PPP1R12C: variants seen among roughly 807,000 people sequenced by gnomAD.
The protein encoded by PPP1R12C is leukocyte receptor cluster (LRC) encoded novel gene 3.
A neutral mutation model predicts 95.6 loss-of-function variants in PPP1R12C; 48 were observed. That is an observed-to-expected ratio of 0.50 (90% confidence interval 0.40 to 0.64). PPP1R12C has a LOEUF of 0.64. Ranked by LOEUF, PPP1R12C falls within the 30% of genes least tolerant of loss-of-function variation. PPP1R12C has a pLI of 0.00. For synonymous variants in PPP1R12C, 480 were observed against 460.8 expected, an observed-to-expected ratio of 1.04 and a Z score of -0.53; for missense variants, 1,057 against 1,083.3, an observed-to-expected ratio of 0.98 and a Z score of 0.34.
chr19:55,116,086 A>G (rs1449870246), intron 1 of PPP1R12C, among the ~76,000 whole-genome samples: 1 of 152,194 alleles, frequency 6.6e-6, no homozygotes, highest in East Asian at 1.9e-4. Context: ...AGGCAAAGAA[A>G]GCAAGAGGAT....
intron 3 of PPP1R12C, among the ~76,000 whole-genome samples, chr19:55,106,848 G>A (rs1017464660): frequency 1.7e-4 from 26 of 152,184 alleles, no homozygotes; most frequent in African/African-American, 6.0e-4. Context: ...TGTCACCTTT[G>A]CAACAGTGAT....
chr19:55,104,180 GTA>G lies in PPP1R12C; in HGVS notation c.572-614_572-613del, dbSNP rs756594022. On this transcript the variant is annotated intron_variant, in intron 3 of 21. Coordinates refer to ENST00000263433, the MANE Select transcript of PPP1R12C (RefSeq NM_017607.4). The stretch of plus-strand genomic sequence containing the variant: ...TCTGTCTAAAAAAAAAAAAAAAAAA[GTA>G]TATATATATATATATATACACACAC... Among the ~76,000 whole-genome samples the G allele has an allele frequency of 2.3e-3, 164 of 72,810 alleles. 2 individuals carry two copies. The highest frequency in any genetic ancestry group is 6.6e-3 in the African/African-American group (144 of 21,848). The allele number at this position is 72,810 out of a possible 152,430, so 47.8% of individuals were successfully genotyped here.
In PPP1R12C at chr19:55,091,445, A is replaced by G; in HGVS notation, c.*27T>C. 6.3e-7 allele frequency: 1 copy of G among 1,598,336 alleles called. No individual in the cohort carries two copies. The highest frequency in any genetic ancestry group is 1.1e-5 in the South Asian group (1 of 90,504). On this transcript the variant is annotated 3_prime_UTR_variant, in exon 22 of 22. Transcript: ENST00000263433. ...GCGTGTGGCAGAAGCAGCTGTATAA[A>G]TACGGGTGCGGGAAAGTCCCTCCGG...
intron 3 of PPP1R12C, among the ~76,000 whole-genome samples, chr19:55,104,060 G>T (rs1249579951): frequency 2.0e-5 from 3 of 148,532 alleles, no homozygotes; most frequent in Admixed American, 6.7e-5. Context: ...CTACTTGGGA[G>T]GCTGAGGCAG....
intron 3 of PPP1R12C, among the ~76,000 whole-genome samples, chr19:55,104,377 A>C (rs2085015155): frequency 6.6e-6 from 1 of 151,268 alleles, no homozygotes. Flanking sequence ...AGAAGTGGTA[A>C]TGGTGATAAA....
chr19:55,111,255 T>G (rs1178075102), intron 3 of PPP1R12C: 2 of 151,896 alleles, frequency 1.3e-5, no homozygotes, highest in Non-Finnish European at 2.9e-5. Context: ...CCCGACCCCG[T>G]GAATAGACTA....
Position 55,096,073 on chromosome 19 carries a change from A to G in PPP1R12C, c.1131T>C (p.Asp377=). The change falls in exon 8 of 22, where the codon GAT becomes GAC. Residue 377 remains aspartate (D), a synonymous_variant. Transcript: ENST00000263433. ...GAGGPPIQDE[D]EGEEGPTEPP... Reference sequence around the variant, plus strand: ...CACCGGTGGGACCTTCTTCCCCCTCATCCTCGTCCTGGATGGGGGGCCCCC... The same window carrying G: ...CACCGGTGGGACCTTCTTCCCCCTCGTCCTCGTCCTGGATGGGGGGCCCCC... 2 of 1,609,030 alleles carry G rather than the reference A, an allele frequency of 1.2e-6. No individual in the cohort carries two copies. The highest frequency in any genetic ancestry group is 8.5e-7 in the Non-Finnish European group (1 of 1,178,464).
At chr19:55,098,561 C>T (rs757930183) in intron 6 of PPP1R12C, among the ~76,000 whole-genome samples, 3 of 152,254 alleles carry the variant, frequency 2.0e-5, no homozygotes, top group Non-Finnish European at 2.9e-5. Flanking sequence ...TTCTGCCGCC[C>T]CCACCACCAG....
rs766199981 is a variant in PPP1R12C, at chr19:55,098,750, A to AGTCTGGG, written c.951+27_951+33dup. The AGTCTGGG allele has an allele frequency of 7.9e-5, 128 of 1,611,832 alleles. 1 individual carries two copies. Among genetic ancestry groups the AGTCTGGG allele is most frequent in the Non-Finnish European group, 1.0e-4 (123 of 1,179,118 alleles). On this transcript the variant is annotated intron_variant, in intron 6 of 21. Coordinates refer to ENST00000263433, the MANE Select transcript of PPP1R12C (RefSeq NM_017607.4). ...TCTGAGGAGCTGAGGGGACATGGGGAGTCTGGGGTAAGCCCCTCAGCCCTG... is the reference window on the plus strand; with the variant it reads ...TCTGAGGAGCTGAGGGGACATGGGGAGTCTGGGGTCTGGGGTAAGCCCCTCAGCCCTG...
intron 4 of PPP1R12C, among the ~76,000 whole-genome samples, chr19:55,102,449 T>C (rs1264631750): frequency 6.6e-6 from 1 of 151,958 alleles, no homozygotes; most frequent in Non-Finnish European, 1.5e-5. Context: ...GAGGTGGAGG[T>C]TGCAGTGAGC....
At chr19:55,106,644 A>AGGGT (rs1363116175) in intron 3 of PPP1R12C, among the ~76,000 whole-genome samples, 1 of 152,194 alleles carries the variant, frequency 6.6e-6, no homozygotes, top group African/African-American at 2.4e-5. Flanking sequence ...GTGGCCAGGG[A>AGGGT]GGGTCCCTTC....
At chr19:55,098,680 G>A (rs1384142020) in intron 6 of PPP1R12C, 104 bp downstream of exon 6, 1 of 1,389,544 alleles carries the variant, frequency 7.2e-7, no homozygotes. Context: ...GGTCGCTGGG[G>A]TGGTGGGTGT....
chr19:55,095,751 G>A (rs1883964979), intron 9 of PPP1R12C, 116 bp downstream of exon 9: 3 of 1,519,462 alleles, frequency 2.0e-6, no homozygotes, highest in East Asian at 2.3e-5. Flanking sequence ...TGTCCAGGAC[G>A]ACTCTGGGAA....
At chr19:55,094,897 C>A in intron 11 of PPP1R12C, 99 bp from the exon 12 acceptor site, 1 of 1,348,938 alleles carries the variant, frequency 7.4e-7, no homozygotes, top group East Asian at 2.5e-5. Flanking sequence ...ATCTGGGCCA[C>A]AACAGAGTCA....
chr19:55,092,068 C>T (rs1323152362), intron 19 of PPP1R12C, among the ~76,000 whole-genome samples, 154 bp downstream of exon 19: 3 of 152,148 alleles, frequency 2.0e-5, no homozygotes, highest in Non-Finnish European at 4.4e-5. Flanking sequence ...AGCCCCATCC[C>T]CTCGCTCAGA....
intron 3 of PPP1R12C, 37 bp from the exon 4 acceptor site, chr19:55,103,605 C>T: frequency 1.3e-6 from 2 of 1,495,646 alleles, no homozygotes; most frequent in Non-Finnish European, 1.8e-6. Context: ...GACTCACACC[C>T]CATGACCTGA....
intron 3 of PPP1R12C, among the ~76,000 whole-genome samples, chr19:55,104,875 G>A (rs1349907601): frequency 2.6e-5 from 4 of 151,492 alleles, no homozygotes; most frequent in Non-Finnish European, 4.4e-5. Flanking sequence ...AGGTTCAAGC[G>A]GTTCTCCTGC....
chr19:55,098,401 C>A (rs957680902), intron 6 of PPP1R12C, among the ~76,000 whole-genome samples: 2 of 152,366 alleles, frequency 1.3e-5, no homozygotes, highest in African/African-American at 2.4e-5. Context: ...AGCAAGGCTG[C>A]CCCGGGGATG....
intron 1 of PPP1R12C, among the ~76,000 whole-genome samples, chr19:55,116,400 T>A (rs2085154179): frequency 6.6e-6 from 1 of 151,670 alleles, no homozygotes; most frequent in Non-Finnish European, 1.5e-5. Flanking sequence ...GGAAAGAGCA[T>A]CCTTGGGCAG....
Sources: allele counts gnomAD v4.1 joint callset (sites outside exome capture counted in the v4.1 genomes callset), GRCh38; gene constraint gnomAD v4.1.1; transcripts MANE v1.5; gene names NCBI Gene and HGNC (gene_info 2026-07-23, HGNC 2026-07-21).